The following FSHR variants were observed in gnomAD, a reference collection of about 807,000 sequenced individuals.
FSHR encodes the protein follicle-stimulating hormone receptor.
In FSHR, 46 loss-of-function variants were observed where a neutral mutation model predicts 52.1. That is an observed-to-expected ratio of 0.88 (90% CI 0.70 to 1.13). The LOEUF (loss-of-function observed/expected upper bound fraction) is 1.13, where lower values mean the gene tolerates loss of function less well. Ranked by LOEUF, FSHR falls within the 50% of genes most tolerant of loss-of-function variation. The pLI, the probability that FSHR is intolerant of heterozygous loss-of-function variation, is 0.00. For missense variants in FSHR, 964 were observed against 834.6 expected (o/e 1.16, Z -1.91); for synonymous variants, 399 against 309.6 (o/e 1.29, Z -3.03).
At chr2:49,069,711 C>G (rs1247109703) in intron 1 of FSHR, among the ~76,000 whole-genome samples, 1 of 152,110 alleles carries the variant, frequency 6.6e-6, no homozygotes, top group Non-Finnish European at 1.5e-5. Context: ...GTTGAAGTTA[C>G]AAGTGACCCT....
Position 48,963,962 on chromosome 2 carries a change from C to T in FSHR, c.859G>A (p.Glu287Lys), listed in dbSNP as rs1674359181. The change falls in exon 10 of 10, where the codon GAG (glutamate) becomes AAG (lysine). Residue 287 changes from glutamate to lysine, a missense_variant. Transcript: ENST00000406846. ...GATTTGTTGCAAATTGGATGAAGCT[C>T]AGAGCTAGAAAAATACAAAAAGAAA... Reference protein sequence around the residue: ...AFANWRRQISELHPICNKSIL... With the variant: ...AFANWRRQISKLHPICNKSIL... The T allele has an allele frequency of 6.2e-7, 1 of 1,612,466 alleles. No homozygotes were observed. Among genetic ancestry groups the T allele is most frequent in the East Asian group, 2.2e-5 (1 of 44,868 alleles).
chr2:49,068,157 G>T, intron 2 of FSHR, 62 bp downstream of exon 2: 1 of 1,260,288 alleles, frequency 7.9e-7, no homozygotes. Context: ...ACTAGATGTG[G>T]TCTGAGGTTG....
intron 2 of FSHR, among the ~76,000 whole-genome samples, chr2:49,036,555 C>T (rs906364907): frequency 1.3e-5 from 2 of 152,014 alleles, no homozygotes; most frequent in African/African-American, 4.8e-5. Flanking sequence ...GTCAGGGCTG[C>T]AGCTTTGGAC....
At position 49,020,494 on chromosome 2, in the gene FSHR, C is replaced by T. The variant is rs551379616; in HGVS notation, c.225-334G>A. Among the ~76,000 whole-genome samples the T allele has an allele frequency of 3.5e-5, 5 of 143,702 alleles. No individual in the cohort carries two copies. In the South Asian group the frequency reaches 1.1e-3, roughly 33 times the overall value. The allele number at this position is 143,702 out of a possible 152,430, so 94.3% of individuals were successfully genotyped here. On this transcript the variant is annotated intron_variant, in intron 2 of 9. Transcript: ENST00000406846. ...AACAAAATTTAAGTTCCCTAGACCACGGGTCAGTAAACATTTTTTTTTTTT... is the reference window on the plus strand; with the variant it reads ...AACAAAATTTAAGTTCCCTAGACCATGGGTCAGTAAACATTTTTTTTTTTT...
intron 4 of FSHR, chr2:49,014,840 C>G (rs76253067): frequency 2.2e-6 from 1 of 456,286 alleles, no homozygotes; most frequent in Non-Finnish European, 4.5e-6. Flanking sequence ...ATGAAAGTGT[C>G]TCTGGGGATG....
In FSHR at chr2:48,963,928, C is replaced by T. The variant is rs769252033; in HGVS notation, c.893G>A (p.Arg298Lys). The stretch of plus-strand genomic sequence containing the variant: ...CTGAGTCATATAATCAACTTCTTGC[C>T]TTAAAATAGATTTGTTGCAAATTGG... ...LHPICNKSIL[R>K]QEVDYMTQAR... Residue 298 changes from arginine to lysine, a missense_variant, in exon 10 of 10, where the codon AGG (arginine) becomes AAG (lysine). Transcript: ENST00000406846. 33 of 1,613,630 alleles carry T rather than the reference C, an allele frequency of 2.0e-5. No homozygotes were observed. The African/African-American group carries it at 3.5e-4, about 17-fold the overall frequency.
intron 1 of FSHR, among the ~76,000 whole-genome samples, chr2:49,069,856 A>G (rs555756299): frequency 1.3e-5 from 2 of 152,290 alleles, no homozygotes; most frequent in African/African-American, 4.8e-5. Flanking sequence ...GCAGTCTGTG[A>G]GCAGGAATTG....
intron 1 of FSHR, among the ~76,000 whole-genome samples, chr2:49,115,207 G>A (rs1281976816): frequency 6.6e-6 from 1 of 151,440 alleles, no homozygotes; most frequent in Non-Finnish European, 1.5e-5. Flanking sequence ...CACCGGAGCA[G>A]AGAGAGATTG....
chr2:49,077,231 C>T (rs373465741), intron 1 of FSHR, among the ~76,000 whole-genome samples: 13 of 152,318 alleles, frequency 8.5e-5, no homozygotes, highest in African/African-American at 1.4e-4. Flanking sequence ...TGGAGGTTTC[C>T]GAACCTCAAT....
chr2:49,020,144 C>T lies in FSHR; in HGVS notation c.241G>A (p.Asp81Asn). Reference sequence around the variant, plus strand: ...TCTGCCTCTATCACCTCCAAGACATCATTCTGAGAGATCTCTCTGTGGAGA... The same window carrying T: ...TCTGCCTCTATCACCTCCAAGACATTATTCTGAGAGATCTCTCTGTGGAGA... ...DLEKIEISQN[D>N]VLEVIEADVF... Residue 81 changes from aspartate to asparagine, a missense_variant, in exon 3 of 10, where the codon GAT becomes AAT. Coordinates refer to ENST00000406846, the MANE Select transcript of FSHR (RefSeq NM_000145.4). 6.2e-7 allele frequency: 1 copy of T among 1,613,462 alleles called. No individual in the cohort carries two copies. The highest frequency in any genetic ancestry group is 8.5e-7 in the Non-Finnish European group (1 of 1,179,458).
chr2:48,977,532 G>C (rs1032373008), intron 8 of FSHR, among the ~76,000 whole-genome samples: 2 of 152,050 alleles, frequency 1.3e-5, no homozygotes, highest in Admixed American at 1.3e-4. Context: ...GATGACAGAG[G>C]CTGTCTCCTC....
intron 2 of FSHR, among the ~76,000 whole-genome samples, chr2:49,067,930 C>T (rs1558421882): frequency 6.6e-6 from 1 of 151,662 alleles, no homozygotes. Flanking sequence ...AAAGAAGAGG[C>T]TTTGGTTTAT....
intron 8 of FSHR, among the ~76,000 whole-genome samples, chr2:48,978,256 A>C (rs571881320): frequency 6.6e-6 from 1 of 152,200 alleles, no homozygotes; most frequent in Non-Finnish European, 1.5e-5. Context: ...TGATTTGAAC[A>C]ATTTCTATTT....
chr2:49,087,016 A>G (rs754709907), intron 1 of FSHR, among the ~76,000 whole-genome samples: 1 of 149,346 alleles, frequency 6.7e-6, no homozygotes, highest in African/African-American at 2.4e-5. Context: ...AGAATAGCAT[A>G]AAGAGCCAGC....
At chr2:49,115,585 G>A (rs1051749501) in intron 1 of FSHR, among the ~76,000 whole-genome samples, 1 of 152,152 alleles carries the variant, frequency 6.6e-6, no homozygotes, top group Non-Finnish European at 1.5e-5. Flanking sequence ...AATTTTTTTA[G>A]TGATGGAGCT....
intron 8 of FSHR, among the ~76,000 whole-genome samples, chr2:48,977,898 T>C (rs1284494156): frequency 6.6e-6 from 1 of 152,158 alleles, no homozygotes. Context: ...TGGACTGGTG[T>C]TTTTAAACTT....
intron 4 of FSHR, among the ~76,000 whole-genome samples, chr2:48,998,528 C>G (rs563193150): frequency 6.6e-5 from 10 of 151,948 alleles, no homozygotes; most frequent in Non-Finnish European, 1.2e-4. Context: ...TAAAATTCAG[C>G]TGGTGTATTT....
At chr2:49,057,975 T>C (rs1284169295) in intron 2 of FSHR, among the ~76,000 whole-genome samples, 2 of 152,172 alleles carry the variant, frequency 1.3e-5, no homozygotes, top group African/African-American at 4.8e-5. Flanking sequence ...CATGCTTTCA[T>C]GATAAAAACT....
chr2:49,028,322 A>T (rs1158505561), intron 2 of FSHR, among the ~76,000 whole-genome samples: 2 of 152,196 alleles, frequency 1.3e-5, no homozygotes, highest in African/African-American at 2.4e-5. Flanking sequence ...GCTTTGTCTC[A>T]TCAGGGCCCT....
Sources: gnomAD v4.1 joint callset for allele counts (sites outside exome capture counted in the v4.1 genomes callset) on GRCh38, gnomAD v4.1.1 for gene constraint, MANE v1.5 for transcripts, NCBI Gene and HGNC (gene_info 2026-07-23, HGNC 2026-07-21) for gene names.